The following MED13 variants were observed in gnomAD, a reference collection of about 807,000 sequenced individuals.
The protein encoded by MED13 is mediator complex subunit 13.
Under a neutral mutation model 225.2 loss-of-function variants are expected in MED13, and 23 were observed. The observed-to-expected ratio is 0.10, with a 90% CI of 0.07 to 0.14. The LOEUF (loss-of-function observed/expected upper bound fraction) is 0.14, where lower values mean the gene tolerates loss of function less well. MED13 is among the 10% of genes least tolerant of loss of function. The probability of loss-of-function intolerance (pLI) is 1.00; values close to 1 mark genes in which losing one functional copy is unlikely to be tolerated. For missense variants in MED13, 2,197 were observed against 2,594.5 expected (o/e 0.85, Z 3.33); for synonymous variants, 942 against 889.2 (o/e 1.06, Z -1.06).
At chr17:61,999,839 C>T (rs916956257) in intron 9 of MED13, among the ~76,000 whole-genome samples, 2 of 151,938 alleles carry the variant, frequency 1.3e-5, no homozygotes, top group Non-Finnish European at 2.9e-5. Context: ...GTAGCATCAC[C>T]GGAGACCAGG....
chr17:61,968,368 C>T (rs746680642), intron 17 of MED13, 110 bp from the exon 18 acceptor site: 52 of 804,628 alleles, frequency 6.5e-5, no homozygotes, highest in Non-Finnish European at 8.3e-5. Flanking sequence ...CTCTGTCGCC[C>T]AGACTGGAGT....
intron 17 of MED13, 94 bp from the exon 18 acceptor site, chr17:61,968,352 G>C: frequency 1.1e-6 from 1 of 938,830 alleles, no homozygotes; most frequent in Non-Finnish European, 1.5e-6. Flanking sequence ...TTGAGACAGA[G>C]TCTCGCTCTG....
chr17:61,946,761 A>G (rs2079854628), intron 29 of MED13, among the ~76,000 whole-genome samples, 156 bp downstream of exon 29: 1 of 152,232 alleles, frequency 6.6e-6, no homozygotes, highest in Admixed American at 6.5e-5. Context: ...ATTATTCTCA[A>G]AAGTAGATTA....
At chr17:61,973,681 T>C (rs1479065393) in intron 16 of MED13, among the ~76,000 whole-genome samples, 1 of 152,208 alleles carries the variant, frequency 6.6e-6, no homozygotes, top group African/African-American at 2.4e-5. Context: ...CCCAATTTCC[T>C]ATACCTAAAA....
intron 16 of MED13, among the ~76,000 whole-genome samples, chr17:61,978,513 G>A (rs565443194): frequency 2.6e-5 from 4 of 152,074 alleles, no homozygotes; most frequent in Admixed American, 6.6e-5. Context: ...AGCACTTTGT[G>A]GGGGGCCAAG....
At chr17:62,042,802 G>C (rs1368526965) in intron 3 of MED13, among the ~76,000 whole-genome samples, 1 of 151,852 alleles carries the variant, frequency 6.6e-6, no homozygotes, top group Non-Finnish European at 1.5e-5. Flanking sequence ...CTTGATAGCT[G>C]TATGAGCTTG....
In MED13 at chr17:62,010,611, C is replaced by T. The variant is rs750908751; in HGVS notation, c.1906G>A (p.Asp636Asn). The change falls in exon 9 of 30, where the codon GAT becomes AAT. Residue 636 changes from aspartate to asparagine, a missense_variant. By Grantham distance (23) the Asp-to-Asn change is conservative (BLOSUM62 1). This residue lies in a region of MED13 where 884 missense variants were observed against 918.5 expected (regional missense o/e 0.96). Transcript: ENST00000397786. ...CCAACTGGATCATCCTTGAATTTAT[C>T]ACTTGGAAGTTGAGGTGGTAAAAAC... ...VEFLPPQLPS[D>N]KFKDDPVGPF... is the part of the protein sequence containing the mutation. The T allele has an allele frequency of 6.7e-6, 10 of 1,491,770 alleles. No homozygotes were observed. The highest frequency in any genetic ancestry group is 8.9e-6 in the Non-Finnish European group (10 of 1,119,664). The allele number at this position is 1,491,770 out of a possible 1,614,324, so 92.4% of individuals were successfully genotyped here. A position where few individuals can be genotyped will look rare whatever the true frequency, so the allele number is the denominator to read the frequency against.
At chr17:62,043,905 A>T (rs1603408210) in intron 3 of MED13, among the ~76,000 whole-genome samples, 1 of 152,132 alleles carries the variant, frequency 6.6e-6, no homozygotes, top group African/African-American at 2.4e-5. Context: ...GAAAATTTTA[A>T]ATTACCTATG....
At chr17:61,981,212 G>A (rs2080201794) in intron 16 of MED13, among the ~76,000 whole-genome samples, 1 of 151,798 alleles carries the variant, frequency 6.6e-6, no homozygotes, top group Non-Finnish European at 1.5e-5. Context: ...AGTAAAGACG[G>A]GATTTCACTA....
intron 3 of MED13, among the ~76,000 whole-genome samples, chr17:62,044,137 G>A (rs191021534): frequency 4.2e-4 from 63 of 151,768 alleles, no homozygotes; most frequent in Admixed American, 9.8e-4. Context: ...AATCAGTTTT[G>A]GAGAGCACGA....
intron 10 of MED13, among the ~76,000 whole-genome samples, chr17:61,993,909 C>A (rs1033748370): frequency 3.3e-5 from 5 of 149,820 alleles, no homozygotes; most frequent in African/African-American, 4.9e-5. Flanking sequence ...CCAGCCTGGG[C>A]AACAAGAGCG....
At chr17:61,977,074 G>C (rs1223325594) in intron 16 of MED13, among the ~76,000 whole-genome samples, 1 of 152,150 alleles carries the variant, frequency 6.6e-6, no homozygotes, top group South Asian at 2.1e-4. Flanking sequence ...TTAATATCCT[G>C]ATCATCTACT....
intron 23 of MED13, among the ~76,000 whole-genome samples, chr17:61,958,932 T>C (rs1454553036): frequency 6.6e-6 from 1 of 152,020 alleles, no homozygotes; most frequent in East Asian, 1.9e-4. Flanking sequence ...TGCATAAGGG[T>C]AGTTTTTCCA....
In MED13 at chr17:61,972,779, C is replaced by T. The variant is rs760593690; in HGVS notation, c.3915G>A (p.Gln1305=). ...KKRTVRPWGV[Q]GPLTWQQFHK... ...GAAATTGTTGCCAAGTGAGAGGACCCTGAACACCCCAAGGTCTTACTGTTC... is the reference window on the plus strand; with the variant it reads ...GAAATTGTTGCCAAGTGAGAGGACCTTGAACACCCCAAGGTCTTACTGTTC... Residue 1305 remains glutamine (Q), a synonymous_variant, in exon 17 of 30, where the codon CAG becomes CAA. Coordinates refer to ENST00000397786, the MANE Select transcript of MED13 (RefSeq NM_005121.3). The T allele has an allele frequency of 1.5e-5, 24 of 1,613,538 alleles. No individual in the cohort carries two copies. The highest frequency in any genetic ancestry group is 1.7e-5 in the Non-Finnish European group (20 of 1,179,876).
chr17:61,993,070 T>C (rs1358733553), intron 10 of MED13, among the ~76,000 whole-genome samples: 2 of 151,896 alleles, frequency 1.3e-5, no homozygotes, highest in Non-Finnish European at 2.9e-5. Context: ...TGGCCTGTGG[T>C]ATGTTTATCT....
intron 8 of MED13, among the ~76,000 whole-genome samples, chr17:62,018,804 T>C (rs372267873): frequency 6.6e-6 from 1 of 152,262 alleles, no homozygotes; most frequent in East Asian, 1.9e-4. Flanking sequence ...CATCCGTAGA[T>C]TTTGTTATCT....
intron 23 of MED13, among the ~76,000 whole-genome samples, chr17:61,960,663 T>G (rs951481279): frequency 2.0e-5 from 3 of 152,122 alleles, no homozygotes; most frequent in African/African-American, 7.2e-5. Flanking sequence ...TTTTTGTTCA[T>G]ATAATAGATT....
At chr17:61,954,669 C>T (rs2079926361) in intron 26 of MED13, among the ~76,000 whole-genome samples, 1 of 152,060 alleles carries the variant, frequency 6.6e-6, no homozygotes, top group East Asian at 1.9e-4. Context: ...CCCAGCTACT[C>T]GAGAAGCTGA....
intron 3 of MED13, among the ~76,000 whole-genome samples, chr17:62,036,130 TAAAG>T (rs2080801497): frequency 6.6e-6 from 1 of 150,852 alleles, no homozygotes; most frequent in African/African-American, 2.4e-5. Flanking sequence ...TTTATTTGGA[TAAAG>T]AAAATAAAGG....
Sources: allele counts gnomAD v4.1 joint callset (sites outside exome capture counted in the v4.1 genomes callset), GRCh38; gene constraint gnomAD v4.1.1; regional missense constraint gnomAD v4.1.1; transcripts MANE v1.5; gene names NCBI Gene and HGNC (gene_info 2026-07-23, HGNC 2026-07-21).